CCSER2: variants seen among roughly 807,000 people sequenced by gnomAD.
CCSER2 encodes coiled-coil serine rich protein 2.
Under a neutral mutation model 92.3 loss-of-function variants are expected in CCSER2, and 46 were observed. The ratio of observed to expected loss-of-function variants is 0.50; its 90% CI spans 0.39 to 0.64. CCSER2 has a LOEUF of 0.64. Ranked by LOEUF, CCSER2 falls within the 30% of genes least tolerant of loss-of-function variation. The pLI is 0.00. For missense variants in CCSER2, 1,244 were observed against 1,238.9 expected, an observed-to-expected ratio of 1.00 and a Z score of -0.06; for synonymous variants, 433 against 431.4, an observed-to-expected ratio of 1.00 and a Z score of -0.04.
chr10:84,396,629 AT>A (rs1365196021), intron 3 of CCSER2, among the ~76,000 whole-genome samples: 1 of 152,100 alleles, frequency 6.6e-6, no homozygotes, highest in African/African-American at 2.4e-5. Flanking sequence ...TTTTAAAAAA[AT>A]ATTTTATTTT....
intron 3 of CCSER2, among the ~76,000 whole-genome samples, chr10:84,407,426 T>C (rs977890045): frequency 6.6e-6 from 1 of 152,242 alleles, no homozygotes; most frequent in African/African-American, 2.4e-5. Context: ...ATATTTTAGT[T>C]AATAAGCATC....
intron 3 of CCSER2, among the ~76,000 whole-genome samples, chr10:84,396,682 A>T (rs550961739): frequency 8.5e-4 from 129 of 151,480 alleles, no homozygotes; most frequent in Non-Finnish European, 1.6e-3. Context: ...TTATTTTGAG[A>T]CTGGGTTATG....
intron 6 of CCSER2, among the ~76,000 whole-genome samples, chr10:84,457,301 AATATGTT>A (rs1488846532): frequency 1.1e-3 from 61 of 53,368 alleles, no homozygotes; most frequent in East Asian, 4.4e-3. Flanking sequence ...TATTATATAT[AATATGTT>A]ATATATAATA....
chr10:84,356,997 A>C (rs1161252062), intron 1 of CCSER2, among the ~76,000 whole-genome samples: 1 of 152,244 alleles, frequency 6.6e-6, no homozygotes, highest in African/African-American at 2.4e-5. Context: ...AAAACCAGTT[A>C]GGTGCCAGCC....
At chr10:84,490,371 G>C (rs1008974658) in intron 9 of CCSER2, among the ~76,000 whole-genome samples, 6 of 152,142 alleles carry the variant, frequency 3.9e-5, no homozygotes, top group Non-Finnish European at 1.5e-5. Context: ...TCACTTTCAG[G>C]TACACCAATC....
chr10:84,480,786 A>G (rs954968440), intron 9 of CCSER2, among the ~76,000 whole-genome samples: 1 of 152,184 alleles, frequency 6.6e-6, no homozygotes, highest in Non-Finnish European at 1.5e-5. Flanking sequence ...TGTTGTGTGT[A>G]TATGTGTATG....
rs1478161095 is a variant in CCSER2 at position 84,388,712 on chromosome 10, G to C, written c.1614+14897G>C. Reference sequence around the variant, plus strand: ...GGAGTGCAGATGGAGATGGTTTTAGGATGAAACCCTTCCACCTCAGATCAT... The same window carrying C: ...GGAGTGCAGATGGAGATGGTTTTAGCATGAAACCCTTCCACCTCAGATCAT... On this transcript the variant is annotated intron_variant, in intron 3 of 9. Coordinates refer to ENST00000372088, the MANE Select transcript of CCSER2 (RefSeq NM_001284240.2). 2.6e-5 allele frequency among the ~76,000 whole-genome samples: 4 copies of C among 152,258 alleles called. No individual in the cohort carries two copies. The East Asian group carries it at 7.7e-4, about 29-fold the overall frequency.
chr10:84,395,166 A>G (rs965352501), intron 3 of CCSER2, among the ~76,000 whole-genome samples: 8 of 151,330 alleles, frequency 5.3e-5, no homozygotes, highest in Admixed American at 1.3e-4. Flanking sequence ...TGAGGCTGCA[A>G]TGAGCCATGA....
intron 9 of CCSER2, among the ~76,000 whole-genome samples, chr10:84,478,074 T>G (rs1847258021): frequency 6.6e-6 from 1 of 152,186 alleles, no homozygotes; most frequent in Non-Finnish European, 1.5e-5. Flanking sequence ...TCAAATATGT[T>G]TATTATAATT....
intron 9 of CCSER2, among the ~76,000 whole-genome samples, chr10:84,508,276 T>C (rs1368416499): frequency 1.3e-5 from 2 of 152,218 alleles, no homozygotes; most frequent in Non-Finnish European, 2.9e-5. Flanking sequence ...AGTTTGAATC[T>C]ATACCCTTGG....
chr10:84,436,484 A>AATTAG (rs1325514701), intron 5 of CCSER2, among the ~76,000 whole-genome samples: 1 of 151,098 alleles, frequency 6.6e-6, no homozygotes, highest in Admixed American at 6.6e-5. Flanking sequence ...AAATACAAAA[A>AATTAG]ATTAGCCCGG....
In CCSER2 at chr10:84,513,330, T is replaced by A. The variant is rs1849463111; in HGVS notation, c.2326-119T>A. ...AGTTCATTTTTTAATTAAAAGAAAC[T>A]CCACATATTTTCCATATTAAAGCCA... On this transcript the variant is annotated intron_variant, in intron 9 of 9. Transcript: ENST00000372088. The A allele has an allele frequency of 7.9e-6, 6 of 757,714 alleles. No individual in the cohort carries two copies. In the African/African-American group the frequency reaches 8.8e-5, roughly 11 times the overall value. 46.9% of individuals were successfully genotyped at this position (757,714 alleles called of 1,614,324 possible). A position where few individuals can be genotyped will look rare whatever the true frequency, so the allele number is the denominator to read the frequency against.
intron 3 of CCSER2, among the ~76,000 whole-genome samples, chr10:84,392,316 CAAAAAAAAAAAAA>C (rs71473611): frequency 9.3e-5 from 5 of 53,858 alleles, no homozygotes; most frequent in African/African-American, 3.8e-4. Context: ...TCTGAAGAAG[CAAAAAAAAAAAAA>C]AAAAAAAAAA....
chr10:84,477,634 A>G lies in CCSER2; in HGVS notation c.2295A>G (p.Lys765=). 6 of 1,610,596 alleles carry G rather than the reference A, an allele frequency of 3.7e-6. No homozygotes were observed. The highest frequency in any genetic ancestry group is 5.1e-6 in the Non-Finnish European group (6 of 1,177,032). Residue 765 remains lysine (K), a synonymous_variant, in exon 9 of 10, where the codon AAA becomes AAG. Transcript: ENST00000372088. ...CKEEKCTYAD[K]YTQTPWRRIP... is the part of the protein sequence containing the mutation. The stretch of plus-strand genomic sequence containing the variant: ...AGGAAAAATGCACTTATGCTGATAA[A>G]TATACCCAAACACCCTGGAGACGAA...
intron 5 of CCSER2, among the ~76,000 whole-genome samples, chr10:84,429,245 T>C (rs957524213): frequency 6.6e-6 from 1 of 152,038 alleles, no homozygotes; most frequent in African/African-American, 2.4e-5. Flanking sequence ...TTTTTTGGAT[T>C]GCTAATTTAA....
intron 3 of CCSER2, among the ~76,000 whole-genome samples, chr10:84,395,483 G>A (rs538779027): frequency 6.6e-6 from 1 of 152,268 alleles, no homozygotes; most frequent in South Asian, 2.1e-4. Flanking sequence ...TTCAATTTAG[G>A]TTATTTGGTT....
intron 1 of CCSER2, among the ~76,000 whole-genome samples, chr10:84,354,089 C>T (rs1188799288): frequency 6.6e-6 from 1 of 151,716 alleles, no homozygotes; most frequent in African/African-American, 2.4e-5. Context: ...GTCCCAGCTA[C>T]TGGGGAGGCT....
intron 4 of CCSER2, among the ~76,000 whole-genome samples, chr10:84,420,403 A>G (rs1843080358): frequency 6.6e-6 from 1 of 152,216 alleles, no homozygotes; most frequent in African/African-American, 2.4e-5. Flanking sequence ...TAGCCTCCTG[A>G]GGCACCAAAG....
At chr10:84,499,798 A>C (rs1848627651) in intron 9 of CCSER2, 2 of 1,452,032 alleles carry the variant, frequency 1.4e-6, no homozygotes, top group Non-Finnish European at 1.9e-6. Context: ...TAAAAGTAAA[A>C]CAAAGTATGA....
Sources: allele counts gnomAD v4.1 joint callset (sites outside exome capture counted in the v4.1 genomes callset), GRCh38; gene constraint gnomAD v4.1.1; transcripts MANE v1.5; gene names NCBI Gene and HGNC (gene_info 2026-07-23, HGNC 2026-07-21).